INHBC: variants seen among roughly 807,000 people sequenced by gnomAD.
INHBC encodes the protein inhibin beta C chain.
A neutral mutation model predicts 12.4 loss-of-function variants in INHBC; 10 were observed. The ratio of observed to expected loss-of-function variants is 0.81; its 90% CI spans 0.50 to 1.37. The LOEUF (loss-of-function observed/expected upper bound fraction) is 1.37, where lower values mean the gene tolerates loss of function less well. Ranked by LOEUF, INHBC falls within the 40% of genes most tolerant of loss-of-function variation. The probability of loss-of-function intolerance (pLI) is 0.00; values close to 1 mark genes in which losing one functional copy is unlikely to be tolerated. For synonymous variants in INHBC, 147 were observed against 171.6 expected (o/e 0.86, Z 1.12); for missense variants, 382 against 439.4 (o/e 0.87, Z 1.17).
At chr12:57,443,113 CTTTTTTTT>C (rs34935222) in intron 1 of INHBC, among the ~76,000 whole-genome samples, 1 of 72,398 alleles carries the variant, frequency 1.4e-5, no homozygotes, top group South Asian at 5.7e-4. Flanking sequence ...ATAAAGCACT[CTTTTTTTT>C]TTTTTTTTTT....
Position 57,449,938 on chromosome 12 carries a change from GTC to G in INHBC, c.979_980del (p.Leu327AlafsTer4), listed in dbSNP as rs1265862467. ...CCVPTARRPL[S>X]LLYYDRDSNI... is the part of the protein sequence containing the mutation. ...GTGTACCCACGGCCCGGCGCCCCCT[GTC>G]TCTGCTCTATTATGACAGGGACAGC... On this transcript the variant is annotated frameshift_variant, in exon 2 of 2. Coordinates refer to ENST00000309668, the MANE Select transcript of INHBC (RefSeq NM_005538.4). LOFTEE classifies it high-confidence loss of function. 4 of 1,582,270 alleles carry G rather than the reference GTC, an allele frequency of 2.5e-6. No individual in the cohort carries two copies. Among genetic ancestry groups the G allele is most frequent in the African/African-American group, 2.7e-5 (2 of 74,238 alleles).
In INHBC at chr12:57,449,630, G is replaced by A. The variant is rs1870664268; in HGVS notation, c.667G>A (p.Ala223Thr). Residue 223 changes from alanine (A) to threonine (T), a missense_variant, in exon 2 of 2, where the codon GCC (alanine) becomes ACC (threonine). Physicochemically the swap from Ala to Thr is moderately conservative, Grantham distance 58 (BLOSUM62 0). Transcript: ENST00000309668. ...AGCTGCCCATAGGCCTTTTGTGGCA[G>A]CCCGGGTGAGAGTTGGGGGCAAACA... ...GGAAHRPFVAARVRVGGKHQI... is the reference protein window; with the variant it reads ...GGAAHRPFVATRVRVGGKHQI... 1 of 1,614,146 alleles carries A rather than the reference G, an allele frequency of 6.2e-7. No individual in the cohort carries two copies. Among genetic ancestry groups the A allele is most frequent in the Admixed American group, 1.7e-5 (1 of 60,006 alleles).
rs1870657231 is a variant in INHBC at position 57,449,382 on chromosome 12, T to C, written c.419T>C (p.Leu140Pro). The C allele has an allele frequency of 6.2e-6, 10 of 1,614,162 alleles. No individual in the cohort carries two copies. The highest frequency in any genetic ancestry group is 7.6e-6 in the Non-Finnish European group (9 of 1,180,028). ...GCCAGTCTCATGTTCTTTGTGCAGC[T>C]CCCTTCCAATACCACTTGGACCTTG... ...QQASLMFFVQ[L>P]PSNTTWTLKV... The change falls in exon 2 of 2, where the codon CTC becomes CCC. Residue 140 changes from leucine (L) to proline (P), a missense_variant. By Grantham distance (98) the Leu-to-Pro change is moderately conservative. Transcript: ENST00000309668.
chr12:57,451,634 A>G lies in INHBC; in HGVS notation c.*1612A>G, dbSNP rs1870714490. Reference sequence around the variant, plus strand: ...GATGTCTGTGTTTGCTCAGTTTATGACCCCCTCCTATGAGGGTAAGAGGTC... The same window carrying G: ...GATGTCTGTGTTTGCTCAGTTTATGGCCCCCTCCTATGAGGGTAAGAGGTC... On this transcript the variant is annotated 3_prime_UTR_variant, in exon 2 of 2. Coordinates refer to ENST00000309668, the MANE Select transcript of INHBC (RefSeq NM_005538.4). Among the ~76,000 whole-genome samples the G allele has an allele frequency of 6.6e-6, 1 of 151,856 alleles. No homozygotes were observed.
chr12:57,444,554 AAAAG>A (rs1870536274), intron 1 of INHBC, among the ~76,000 whole-genome samples: 1 of 152,090 alleles, frequency 6.6e-6, no homozygotes. Context: ...AAAAAAAAAA[AAAAG>A]AACCACACTG....
intron 1 of INHBC, among the ~76,000 whole-genome samples, chr12:57,447,207 C>G (rs1185238351): frequency 6.6e-6 from 1 of 151,250 alleles, no homozygotes. Flanking sequence ...TTTTTTGAGG[C>G]GGAGCCTCGC....
rs1177623605 is a variant in INHBC, at chr12:57,441,378, A to T, written c.313+6179A>T. On this transcript the variant is annotated intron_variant, in intron 1 of 1. Transcript: ENST00000309668. ...TCAAAAAAAAAAAAAAAAAAAAAAAAGCCAGGTGTGGTGGTACATGCCTGT... is the reference window on the plus strand; with the variant it reads ...TCAAAAAAAAAAAAAAAAAAAAAAATGCCAGGTGTGGTGGTACATGCCTGT... Among the ~76,000 whole-genome samples the T allele has an allele frequency of 3.3e-5, 4 of 122,244 alleles. No homozygotes were observed. In the Admixed American group the frequency reaches 3.5e-4, roughly 11 times the overall value. The allele number at this position is 122,244 out of a possible 152,430, so 80.2% of individuals were successfully genotyped here.
At chr12:57,445,002 T>G (rs1049782118) in intron 1 of INHBC, among the ~76,000 whole-genome samples, 1 of 152,076 alleles carries the variant, frequency 6.6e-6, no homozygotes, top group East Asian at 1.9e-4. Context: ...TTAGATAGAT[T>G]AGGAAGGAAG....
intron 1 of INHBC, among the ~76,000 whole-genome samples, chr12:57,441,204 A>C (rs1231124537): frequency 2.0e-5 from 3 of 152,088 alleles, no homozygotes; most frequent in Non-Finnish European, 4.4e-5. Context: ...AATACAAAAA[A>C]TTAGCCAGGT....
rs1362831819 is a variant in INHBC at position 57,451,062 on chromosome 12, T to C, written c.*1040T>C. ...CCTGCTTATGCTGTAGTCTGCCTACTCTGCTGTCTCTTCACATGGTCTCCT... is the reference window on the plus strand; with the variant it reads ...CCTGCTTATGCTGTAGTCTGCCTACCCTGCTGTCTCTTCACATGGTCTCCT... On this transcript the variant is annotated 3_prime_UTR_variant, in exon 2 of 2. Coordinates refer to ENST00000309668, the MANE Select transcript of INHBC (RefSeq NM_005538.4). 2.6e-5 allele frequency among the ~76,000 whole-genome samples: 4 copies of C among 152,262 alleles called. No homozygotes were observed. Among genetic ancestry groups the C allele is most frequent in the Non-Finnish European group, 5.9e-5 (4 of 68,050 alleles).
rs539674119 is a variant in INHBC at position 57,442,958 on chromosome 12, T to G, written c.314-6319T>G. Among the ~76,000 whole-genome samples the G allele has an allele frequency of 5.7e-5, 8 of 140,260 alleles. No individual in the cohort carries two copies. In the South Asian group the frequency reaches 1.8e-3, roughly 32 times the overall value. 92.0% of individuals were successfully genotyped at this position (140,260 alleles called of 152,430 possible). On this transcript the variant is annotated intron_variant, in intron 1 of 1. Coordinates refer to ENST00000309668, the MANE Select transcript of INHBC (RefSeq NM_005538.4). ...GTGAGCCGAGATTGCGCCACTGCGC[T>G]CCAGCCCAGGCGACAAGAGTGAGAC...
chr12:57,444,336 T>A (rs1870531011), intron 1 of INHBC, among the ~76,000 whole-genome samples: 1 of 150,942 alleles, frequency 6.6e-6, no homozygotes, highest in Non-Finnish European at 1.5e-5. Context: ...AGGTCAGGAG[T>A]TCCGGAGCGG....
At chr12:57,439,064 T>C (rs538540579) in intron 1 of INHBC, among the ~76,000 whole-genome samples, 30 of 152,296 alleles carry the variant, frequency 2.0e-4, no homozygotes, top group African/African-American at 5.3e-4. Flanking sequence ...TGTAGTCTTA[T>C]AGAAATTGAC....
chr12:57,435,275 C>T (rs1870309824), intron 1 of INHBC, 76 bp downstream of exon 1: 7 of 1,358,322 alleles, frequency 5.2e-6, no homozygotes, highest in Non-Finnish European at 7.0e-6. Flanking sequence ...CCAGACTTAC[C>T]TCTGACTCCT....
Position 57,450,112 on chromosome 12 carries a change from C to G in INHBC, c.*90C>G. 7.3e-7 allele frequency: 1 copy of G among 1,361,958 alleles called. No individual in the cohort carries two copies. The highest frequency in any genetic ancestry group is 9.7e-7 in the Non-Finnish European group (1 of 1,032,742). The allele number at this position is 1,361,958 out of a possible 1,614,324, so 84.4% of individuals were successfully genotyped here. A position where few individuals can be genotyped will look rare whatever the true frequency, so the allele number is the denominator to read the frequency against. On this transcript the variant is annotated 3_prime_UTR_variant, in exon 2 of 2. Coordinates refer to ENST00000309668, the MANE Select transcript of INHBC (RefSeq NM_005538.4). ...CTTGAGAGGAGGGAATGACCTCATT[C>G]TCTGTCCAGAATGTGGACTCCCTCT...
chr12:57,450,191 TA>T lies in INHBC; in HGVS notation c.*172del. The T allele has an allele frequency of 1.6e-6, 1 of 637,810 alleles. No homozygotes were observed. The highest frequency in any genetic ancestry group is 2.4e-6 in the Non-Finnish European group (1 of 413,148). 39.5% of individuals were successfully genotyped at this position (637,810 alleles called of 1,614,324 possible). On this transcript the variant is annotated 3_prime_UTR_variant, in exon 2 of 2. Coordinates refer to ENST00000309668, the MANE Select transcript of INHBC (RefSeq NM_005538.4). ...CCTTTGACTTGAAGAAACCTTCATC[TA>T]AAGCAAGTCACTGTGCCATCTTCCT...
chr12:57,434,915 T>C lies in INHBC; in HGVS notation c.29T>C (p.Leu10Pro). The C allele has an allele frequency of 6.2e-7, 1 of 1,613,518 alleles. No homozygotes were observed. Among genetic ancestry groups the C allele is most frequent in the Non-Finnish European group, 8.5e-7 (1 of 1,179,576 alleles). The change falls in exon 1 of 2, where the codon CTC (leucine) becomes CCC (proline). Residue 10 changes from leucine (L) to proline (P), a missense_variant. By Grantham distance (98) the Leu-to-Pro change is moderately conservative (BLOSUM62 -3). Coordinates refer to ENST00000309668, the MANE Select transcript of INHBC (RefSeq NM_005538.4). ...ACCTCCTCATTGCTTCTGGCCTTTC[T>C]CCTCCTGGCTCCAACCACAGTGGCC... MTSSLLLAF[L>P]LLAPTTVATP...
At chr12:57,444,775 C>T (rs1870541162) in intron 1 of INHBC, among the ~76,000 whole-genome samples, 1 of 151,976 alleles carries the variant, frequency 6.6e-6, no homozygotes, top group Non-Finnish European at 1.5e-5. Flanking sequence ...ACCTCCTGGG[C>T]TCAAGTGATT....
At chr12:57,447,914 TATATATATAA>T (rs1466431601) in intron 1 of INHBC, among the ~76,000 whole-genome samples, 37 of 99,558 alleles carry the variant, frequency 3.7e-4, no homozygotes, top group East Asian at 5.7e-4. Context: ...TATATATATA[TATATATATAA>T]AATATATGTG....
Sources: allele counts gnomAD v4.1 joint callset (sites outside exome capture counted in the v4.1 genomes callset), GRCh38; gene constraint gnomAD v4.1.1; transcripts MANE v1.5; gene names NCBI Gene and HGNC (gene_info 2026-07-23, HGNC 2026-07-21).